DCLK1: variants seen among roughly 807,000 people sequenced by gnomAD.
DCLK1 encodes doublecortin like kinase 1, also known as serine/threonine-protein kinase DCLK1.
A neutral mutation model predicts 86.2 loss-of-function variants in DCLK1; 16 were observed. The ratio of observed to expected loss-of-function variants is 0.19; its 90% CI spans 0.13 to 0.28. DCLK1 has a LOEUF of 0.28. Ranked by LOEUF, DCLK1 falls within the 10% of genes least tolerant of loss-of-function variation. The pLI is 1.00. For missense variants in DCLK1, 590 were observed against 940.2 expected (o/e 0.63, Z 4.87); for synonymous variants, 369 against 370.5 (o/e 1.00, Z 0.05).
At chr13:35,794,195 C>T (rs1443712228) in intron 15 of DCLK1, among the ~76,000 whole-genome samples, 4 of 152,170 alleles carry the variant, frequency 2.6e-5, no homozygotes, top group East Asian at 3.9e-4. Context: ...TAAGTATGTG[C>T]CACCACTTAC....
chr13:35,827,113 A>C (rs1868537211), intron 10 of DCLK1, among the ~76,000 whole-genome samples: 1 of 152,246 alleles, frequency 6.6e-6, no homozygotes, highest in African/African-American at 2.4e-5. Flanking sequence ...AGGTAATATT[A>C]TGTGACAGGA....
At chr13:35,950,661 A>G (rs914479729) in intron 3 of DCLK1, among the ~76,000 whole-genome samples, 1 of 152,216 alleles carries the variant, frequency 6.6e-6, no homozygotes, top group Non-Finnish European at 1.5e-5. Context: ...TAGGTGTCAG[A>G]TGTTAGAAGC....
At position 36,125,763 on chromosome 13, in the gene DCLK1, T is replaced by C. The variant is rs747015979; in HGVS notation, c.375A>G (p.Glu125=). The C allele has an allele frequency of 6.2e-7, 1 of 1,612,502 alleles. No individual in the cohort carries two copies. The highest frequency in any genetic ancestry group is 1.7e-5 in the Admixed American group (1 of 59,990). The change falls in exon 2 of 17, where the codon GAA becomes GAG. Residue 125 remains glutamate (E), a splice_region_variant and synonymous_variant. Coordinates refer to ENST00000360631, the MANE Select transcript of DCLK1 (RefSeq NM_001330071.2). ...TGGGGGTTATCTCACAGCGCTCACC[T>C]TCCACCAGTTGGTCCAGGCTGGAAA... ...KKISSLDQLV[E]GESYVCGSIE... is the part of the protein sequence containing the mutation.
intron 3 of DCLK1, among the ~76,000 whole-genome samples, chr13:36,074,363 G>A (rs1186423111): frequency 1.3e-5 from 2 of 151,486 alleles, no homozygotes; most frequent in African/African-American, 2.4e-5. Context: ...TTAGCAGGGC[G>A]AGGTAGTCCC....
chr13:35,815,586 G>GA lies in DCLK1; in HGVS notation c.1555-4619dup, dbSNP rs535597398. 1.2e-3 allele frequency among the ~76,000 whole-genome samples: 182 copies of GA among 152,252 alleles called. 1 individual carries two copies. The highest frequency in any genetic ancestry group is 4.1e-3 in the African/African-American group (169 of 41,558). On this transcript the variant is annotated intron_variant, in intron 11 of 16. Transcript: ENST00000360631. ...AGTGGCATGAAATTGACAAAGCCAT[G>GA]AAAAAACGTCAATTTACTTTTTAAC...
At chr13:35,890,347 A>T (rs559959414) in intron 4 of DCLK1, among the ~76,000 whole-genome samples, 5 of 152,140 alleles carry the variant, frequency 3.3e-5, no homozygotes, top group Non-Finnish European at 4.4e-5. Context: ...CATAATATTG[A>T]TAACTTTGAT....
At chr13:35,845,632 A>G (rs184361424) in intron 6 of DCLK1, among the ~76,000 whole-genome samples, 26 of 152,296 alleles carry the variant, frequency 1.7e-4, no homozygotes, top group Non-Finnish European at 7.4e-5. Context: ...GCAACCCTGA[A>G]AGGAAGGTAG....
At chr13:36,026,198 G>C (rs933617724) in intron 3 of DCLK1, among the ~76,000 whole-genome samples, 1 of 152,188 alleles carries the variant, frequency 6.6e-6, no homozygotes, top group Admixed American at 6.5e-5. Flanking sequence ...CAGGAAATGT[G>C]TTGATCTGGC....
intron 15 of DCLK1, among the ~76,000 whole-genome samples, chr13:35,798,970 G>A (rs746416798): frequency 6.6e-6 from 1 of 152,174 alleles, no homozygotes; most frequent in Non-Finnish European, 1.5e-5. Context: ...AAAAGAGTAT[G>A]TAGGTGGGAT....
chr13:35,878,874 C>T (rs1872728800), intron 4 of DCLK1, among the ~76,000 whole-genome samples: 1 of 152,080 alleles, frequency 6.6e-6, no homozygotes, highest in Non-Finnish European at 1.5e-5. Flanking sequence ...CAACCTCTGC[C>T]TCCCAGGTTC....
At chr13:35,815,316 T>C (rs7986355) in intron 11 of DCLK1, among the ~76,000 whole-genome samples, 46,568 of 152,068 alleles carry the variant, frequency 0.31, 7,557 homozygotes, top group East Asian at 0.39. Flanking sequence ...GGCCATAAAA[T>C]AATATGAAAA....
At chr13:35,817,800 C>T (rs1382813039) in intron 11 of DCLK1, among the ~76,000 whole-genome samples, 1 of 152,144 alleles carries the variant, frequency 6.6e-6, no homozygotes, top group African/African-American at 2.4e-5. Flanking sequence ...GCTTGTCATA[C>T]TGAGACTCAC....
intron 5 of DCLK1, among the ~76,000 whole-genome samples, chr13:35,864,880 G>A (rs1871680557): frequency 6.6e-6 from 1 of 151,996 alleles, no homozygotes. Flanking sequence ...TCAAACTCCT[G>A]AGCTCAACCA....
chr13:35,914,771 C>T (rs1875309879), intron 4 of DCLK1, among the ~76,000 whole-genome samples: 1 of 151,704 alleles, frequency 6.6e-6, no homozygotes, highest in Non-Finnish European at 1.5e-5. Context: ...AAATTCTGGG[C>T]TGTTTATGAA....
chr13:36,089,105 T>C (rs1355620022), intron 3 of DCLK1, among the ~76,000 whole-genome samples: 1 of 152,224 alleles, frequency 6.6e-6, no homozygotes, highest in Admixed American at 6.5e-5. Flanking sequence ...AGTCTGAAAT[T>C]AGTTCAAAAT....
At chr13:36,015,508 C>A (rs1466116416) in intron 3 of DCLK1, among the ~76,000 whole-genome samples, 2 of 152,132 alleles carry the variant, frequency 1.3e-5, no homozygotes, top group Non-Finnish European at 2.9e-5. Flanking sequence ...ACCAATCTTA[C>A]CATAAGTTAT....
chr13:35,916,125 T>C (rs559674496), intron 4 of DCLK1, among the ~76,000 whole-genome samples: 8 of 152,278 alleles, frequency 5.3e-5, no homozygotes, highest in African/African-American at 1.7e-4. Flanking sequence ...AGCATAGGCT[T>C]ACACTAGATT....
intron 3 of DCLK1, among the ~76,000 whole-genome samples, chr13:35,991,324 A>G (rs373559872): frequency 1.3e-5 from 2 of 152,132 alleles, no homozygotes; most frequent in African/African-American, 4.8e-5. Context: ...CAGAAGTTTA[A>G]CTATTTTTTT....
intron 3 of DCLK1, among the ~76,000 whole-genome samples, chr13:35,972,853 A>G (rs1338310511): frequency 1.3e-5 from 2 of 152,196 alleles, no homozygotes; most frequent in Non-Finnish European, 2.9e-5. Flanking sequence ...CTCCTGGTGC[A>G]GTCCTGACCT....
Sources: gnomAD v4.1 joint callset for allele counts (sites outside exome capture counted in the v4.1 genomes callset) on GRCh38, gnomAD v4.1.1 for gene constraint, MANE v1.5 for transcripts, NCBI Gene and HGNC (gene_info 2026-07-23, HGNC 2026-07-21) for gene names.